FRMPD4: variants seen among roughly 807,000 people sequenced by gnomAD.
FRMPD4 encodes FERM and PDZ domain-containing protein 4.
FRMPD4 carries 22 observed loss-of-function variants against 94.1 expected under a neutral mutation model. That is an observed-to-expected ratio of 0.23 (90% CI 0.17 to 0.33). FRMPD4 has a LOEUF of 0.33. Among genes scored for constraint, FRMPD4 ranks in the 10% least tolerant of loss-of-function variants. FRMPD4 has a pLI of 1.00. For missense variants in FRMPD4, 1,111 were observed against 1,339.9 expected (o/e 0.83, Z 2.67); for synonymous variants, 631 against 548.6 (o/e 1.15, Z -2.10).
intron 2 of FRMPD4, among the ~76,000 whole-genome samples, chrX:12,566,169 G>T (rs774351532): frequency 1.8e-5 from 2 of 111,619 alleles, no homozygotes; most frequent in African/African-American, 6.5e-5. Context: ...CTACAGAAAC[G>T]AATTATGATT....
At chrX:12,277,243 C>T (rs1181709673) in intron 1 of FRMPD4, among the ~76,000 whole-genome samples, 1 of 110,761 alleles carries the variant, frequency 9.0e-6, no homozygotes, top group African/African-American at 3.3e-5. Context: ...AATACTTTTC[C>T]TTTTACCCTT....
intron 3 of FRMPD4, among the ~76,000 whole-genome samples, chrX:11,926,429 A>G (rs2054089503): frequency 9.0e-6 from 1 of 111,053 alleles, no homozygotes; most frequent in South Asian, 3.8e-4. Flanking sequence ...TCCTGATACC[A>G]AAACCTGGCA....
chrX:12,399,973 A>G (rs962757545), intron 1 of FRMPD4, among the ~76,000 whole-genome samples: 14 of 112,137 alleles, frequency 1.2e-4, no homozygotes, highest in African/African-American at 4.5e-4. Context: ...TTCCTTAGAT[A>G]TAGCAATCTT....
At chrX:12,241,726 ACTATCT>A (rs754074411) in intron 1 of FRMPD4, among the ~76,000 whole-genome samples, 80 of 111,041 alleles carry the variant, frequency 7.2e-4, no homozygotes, top group African/African-American at 2.3e-3. Flanking sequence ...ATAGTGAGAA[ACTATCT>A]CTATAAAAAG....
intron 4 of FRMPD4, among the ~76,000 whole-genome samples, chrX:12,634,903 G>A (rs2059429418): frequency 1.1e-5 from 1 of 94,963 alleles, no homozygotes; most frequent in African/African-American, 4.1e-5. Flanking sequence ...GCACAATCTC[G>A]GCTCACTGCA....
At chrX:12,703,196 A>G (rs1438111260) in intron 10 of FRMPD4, among the ~76,000 whole-genome samples, 4 of 112,802 alleles carry the variant, frequency 3.5e-5, no homozygotes, top group Non-Finnish European at 7.5e-5. Flanking sequence ...TGAGCATTTT[A>G]TATAGCACTC....
intron 2 of FRMPD4, among the ~76,000 whole-genome samples, chrX:12,570,925 A>G (rs1212752652): frequency 2.7e-5 from 3 of 112,095 alleles, no homozygotes; most frequent in Non-Finnish European, 5.6e-5. Flanking sequence ...GGAATTGTCT[A>G]TTTTCTGGAA....
At chrX:12,350,298 C>T (rs1228715534) in intron 1 of FRMPD4, among the ~76,000 whole-genome samples, 1 of 111,511 alleles carries the variant, frequency 9.0e-6, no homozygotes, top group Admixed American at 9.5e-5. Context: ...TACTATGGGC[C>T]TTTTAATTTT....
At chrX:11,988,033 T>C (rs1195755147) in intron 3 of FRMPD4, among the ~76,000 whole-genome samples, 1 of 111,614 alleles carries the variant, frequency 9.0e-6, no homozygotes, top group Non-Finnish European at 1.9e-5. Flanking sequence ...ACAGATTCAA[T>C]GCAATTCTTA....
intron 12 of FRMPD4, 81 bp from the exon 13 acceptor site, chrX:12,707,388 A>C: frequency 2.6e-6 from 2 of 768,462 alleles, no homozygotes; most frequent in Non-Finnish European, 3.8e-6. Flanking sequence ...ATATAATCTT[A>C]TAAAAATAGG....
At chrX:12,715,503 T>C (rs1017302813) in intron 14 of FRMPD4, among the ~76,000 whole-genome samples, 1 of 111,922 alleles carries the variant, frequency 8.9e-6, no homozygotes, top group Non-Finnish European at 1.9e-5. Flanking sequence ...AGACTGAAGA[T>C]AGAAGTTTTG....
rs55973946 is a variant in FRMPD4, at chrX:11,930,107, C to CAAA, written c.95+52114_95+52116dup. 3.9e-3 allele frequency among the ~76,000 whole-genome samples: 52 copies of CAAA among 13,255 alleles called. 8 individuals carry two copies. The highest frequency in any genetic ancestry group is 0.013 in the African/African-American group (47 of 3,634). 11.5% of individuals were successfully genotyped at this position (13,255 alleles called of 115,157 possible). On this transcript the variant is annotated intron_variant, in intron 3 of 18. Coordinates refer to the FRMPD4 transcript ENST00000640291. ...TGGGCAACAGAGTGAGACTCTGTCT[C>CAAA]AAAAAAAAAAAAAAAAAAAAAAAAA...
chrX:12,295,740 A>C (rs1400168227), intron 1 of FRMPD4, among the ~76,000 whole-genome samples: 1 of 111,592 alleles, frequency 9.0e-6, no homozygotes, highest in East Asian at 2.8e-4. Context: ...TCTGTATTCT[A>C]ATTCATTATT....
intron 1 of FRMPD4, among the ~76,000 whole-genome samples, chrX:12,465,326 C>T (rs1219347673): frequency 9.0e-6 from 1 of 111,551 alleles, no homozygotes; most frequent in East Asian, 2.8e-4. Flanking sequence ...TTTACATAAT[C>T]CCAAGCCAGG....
intron 1 of FRMPD4, among the ~76,000 whole-genome samples, chrX:12,465,654 T>C (rs1569287152): frequency 1.8e-5 from 2 of 112,216 alleles, no homozygotes; most frequent in African/African-American, 6.5e-5. Context: ...ACTTTTAATA[T>C]TTAAAGATCA....
chrX:12,464,153 A>C (rs2057425403), intron 1 of FRMPD4, among the ~76,000 whole-genome samples: 1 of 111,609 alleles, frequency 9.0e-6, no homozygotes, highest in South Asian at 3.8e-4. Context: ...TGAAGTATTT[A>C]TTCACTGACC....
intron 1 of FRMPD4, among the ~76,000 whole-genome samples, chrX:11,862,904 T>C (rs2053695188): frequency 9.3e-6 from 1 of 107,913 alleles, no homozygotes; most frequent in Non-Finnish European, 1.9e-5. Context: ...GGACTAGGAC[T>C]AACTAAGGTG....
At chrX:12,011,161 A>G (rs747168375) in intron 3 of FRMPD4, among the ~76,000 whole-genome samples, 7 of 112,553 alleles carry the variant, frequency 6.2e-5, no homozygotes, top group Non-Finnish European at 1.3e-4. Flanking sequence ...ACATGTTTCT[A>G]TGTTGCAGAA....
chrX:12,012,812 G>A (rs1006448051), intron 3 of FRMPD4, among the ~76,000 whole-genome samples: 1 of 111,883 alleles, frequency 8.9e-6, no homozygotes, highest in Non-Finnish European at 1.9e-5. Context: ...AGTAGCCTTC[G>A]ATGGGGCAGA....
Sources: gnomAD v4.1 joint callset for allele counts (sites outside exome capture counted in the v4.1 genomes callset) on GRCh38, gnomAD v4.1.1 for gene constraint, MANE v1.5 for transcripts, NCBI Gene and HGNC (gene_info 2026-07-23, HGNC 2026-07-21) for gene names.